PIN4: variants seen among roughly 807,000 people sequenced by gnomAD.
PIN4 encodes peptidylprolyl cis/trans isomerase, NIMA-interacting 4.
A neutral mutation model predicts 8.3 loss-of-function variants in PIN4; 3 were observed. That is an observed-to-expected ratio of 0.36 (90% CI 0.16 to 0.93). The LOEUF (loss-of-function observed/expected upper bound fraction) is 0.93, where lower values mean the gene tolerates loss of function less well. Among genes scored for constraint, PIN4 ranks in the 40% least tolerant of loss-of-function variants. The probability of loss-of-function intolerance (pLI) is 0.44; values close to 1 mark genes in which losing one functional copy is unlikely to be tolerated. For missense variants in PIN4, 75 were observed against 100.6 expected (o/e 0.75, Z 1.09); for synonymous variants, 18 against 32.5 (o/e 0.55, Z 1.52).
downstream of PIN4, among the ~76,000 whole-genome samples, chrX:72,200,561 AG>A (rs756919034): frequency 5.3e-5 from 6 of 112,374 alleles, no homozygotes; most frequent in Non-Finnish European, 1.1e-4. Context: ...AAAAGATACA[AG>A]GATATTCATT....
chrX:72,215,795 A>C (rs1417346480), intron 3 of PIN4, among the ~76,000 whole-genome samples: 1 of 110,983 alleles, frequency 9.0e-6, no homozygotes, highest in Non-Finnish European at 1.9e-5. Context: ...TGCTGTGCTT[A>C]AAACCACTGA....
intron 3 of PIN4, among the ~76,000 whole-genome samples, chrX:72,253,898 A>C (rs753649386): frequency 9.1e-6 from 1 of 110,243 alleles, no homozygotes; most frequent in South Asian, 3.9e-4. Flanking sequence ...GAAGGTTGAG[A>C]CTTCAATGAG....
exon 4 of PIN4, chrX:72,263,107 C>A (rs918808626): frequency 5.6e-6 from 1 of 178,054 alleles, no homozygotes; most frequent in Non-Finnish European, 1.0e-5. Flanking sequence ...CAAGATGAGC[C>A]TTATGCACCT....
At chrX:72,229,802 G>A (rs1476948881) in intron 3 of PIN4, among the ~76,000 whole-genome samples, 1 of 111,757 alleles carries the variant, frequency 8.9e-6, no homozygotes. Flanking sequence ...GACTTGGATT[G>A]AGAGCAAGCA....
At position 72,251,356 on chromosome X, in the gene PIN4, CTGTCTCAA is replaced by C. The variant is rs1208964680; in HGVS notation, c.313-11350_313-11343del. Reference sequence around the variant, plus strand: ...CCAGCCTGGGCGACACAGCGAGACTCTGTCTCAAAAAAAAAAAAATATGTGTGAGTGTA... The same window carrying C: ...CCAGCCTGGGCGACACAGCGAGACTCAAAAAAAAAAATATGTGTGAGTGTA... On this transcript the variant is annotated intron_variant, in intron 3 of 3. Transcript: ENST00000423432. 5.9e-4 allele frequency among the ~76,000 whole-genome samples: 8 copies of C among 13,534 alleles called. No homozygotes were observed. The African/African-American group carries it at 9.2e-3, about 16-fold the overall frequency. The allele number at this position is 13,534 out of a possible 115,157, so 11.8% of individuals were successfully genotyped here.
chrX:72,194,607 C>T (rs138514008), intron 2 of PIN4, among the ~76,000 whole-genome samples: 2,658 of 104,951 alleles, frequency 0.025, 113 homozygotes, highest in African/African-American at 0.086. Context: ...GAGGCTGAGG[C>T]AGGAGACTCA....
At chrX:72,249,747 C>T (rs1255662181) in intron 3 of PIN4, among the ~76,000 whole-genome samples, 2 of 111,798 alleles carry the variant, frequency 1.8e-5, no homozygotes, top group African/African-American at 6.5e-5. Flanking sequence ...GAAATCAGAA[C>T]AGTGTCTGCC....
At chrX:72,188,685 GT>G (rs1310692662) in intron 2 of PIN4, among the ~76,000 whole-genome samples, 2 of 111,307 alleles carry the variant, frequency 1.8e-5, no homozygotes, top group Non-Finnish European at 3.8e-5. Flanking sequence ...TAAAAACTTT[GT>G]TTTGTTGTTT....
At chrX:72,205,623 T>G (rs1015810021) in intron 3 of PIN4, 3 of 1,211,552 alleles carry the variant, frequency 2.5e-6, no homozygotes, top group Non-Finnish European at 3.4e-6. Context: ...GAAAGAGAGA[T>G]GTGTTGAATG....
chrX:72,215,347 C>G (rs147760509), intron 3 of PIN4, among the ~76,000 whole-genome samples: 3,965 of 111,363 alleles, frequency 0.036, 196 homozygotes, highest in African/African-American at 0.12. Context: ...CAAATGTACA[C>G]TTAAGATTTG....
At chrX:72,189,062 G>C (rs1170342703) in intron 2 of PIN4, among the ~76,000 whole-genome samples, 2 of 111,657 alleles carry the variant, frequency 1.8e-5, no homozygotes, top group Non-Finnish European at 1.9e-5. Context: ...CTACTTGGGA[G>C]GCTGAGGTAG....
At chrX:72,184,528 G>A (rs758152924) in intron 1 of PIN4, among the ~76,000 whole-genome samples, 34 of 111,037 alleles carry the variant, frequency 3.1e-4, no homozygotes, top group African/African-American at 9.8e-4. Context: ...GAGTGAGGGT[G>A]GAGAGGAAGC....
At position 72,194,155 on chromosome X, in the gene PIN4, T is replaced by C. The variant is rs148976621; in HGVS notation, c.118-2630T>C. Among the ~76,000 whole-genome samples, 115 of 111,364 alleles carry C rather than the reference T, an allele frequency of 1.0e-3. 3 individuals carry two copies. Among genetic ancestry groups the C allele is most frequent in the African/African-American group, 3.7e-3 (113 of 30,524 alleles). On this transcript the variant is annotated intron_variant, in intron 2 of 3. Coordinates refer to ENST00000373669, the MANE Select transcript of PIN4 (RefSeq NM_006223.4). ...TGGCTCATGCCTGTAATGCCAGCAC[T>C]TTGGGAGGTCAAGGCGGGTGGATCA...
chrX:72,217,894 T>C (rs1169663088), intron 3 of PIN4, among the ~76,000 whole-genome samples: 1 of 112,012 alleles, frequency 8.9e-6, no homozygotes, highest in Admixed American at 9.5e-5. Flanking sequence ...CACACTGTCT[T>C]GACTACTGTA....
At chrX:72,246,273 C>G (rs1006370554) in intron 3 of PIN4, among the ~76,000 whole-genome samples, 4 of 111,486 alleles carry the variant, frequency 3.6e-5, no homozygotes, top group African/African-American at 9.8e-5. Context: ...CGTGTTGGCT[C>G]TACCTCTAAA....
chrX:72,197,558 ATT>A lies in PIN4; in HGVS notation c.*35_*36del, dbSNP rs756508072. 3 of 1,169,694 alleles carry A rather than the reference ATT, an allele frequency of 2.6e-6. No individual in the cohort carries two copies. In the East Asian group the frequency reaches 9.0e-5, roughly 35 times the overall value. Reference sequence around the variant, plus strand: ...ATGAAAGACTGAATAAGTTTTATACATTTTGTTTCTTTAAAAGGTATTACATA... The same window carrying A: ...ATGAAAGACTGAATAAGTTTTATACATTGTTTCTTTAAAAGGTATTACATA... On this transcript the variant is annotated 3_prime_UTR_variant, in exon 4 of 4. Transcript: ENST00000373669.
At chrX:72,256,374 A>T (rs1257220929) in intron 3 of PIN4, among the ~76,000 whole-genome samples, 1 of 112,019 alleles carries the variant, frequency 8.9e-6, no homozygotes, top group African/African-American at 3.2e-5. Context: ...TGCAGTTGGC[A>T]AGCTGGAGAC....
At chrX:72,242,646 C>T (rs776813876) in intron 3 of PIN4, among the ~76,000 whole-genome samples, 1 of 112,654 alleles carries the variant, frequency 8.9e-6, no homozygotes, top group Non-Finnish European at 1.9e-5. Context: ...GATTAATTAT[C>T]TGCTGTTCCT....
rs2042724960 is a variant in PIN4 at position 72,190,207 on chromosome X, C to G, written c.117+3673C>G. The stretch of plus-strand genomic sequence containing the variant: ...GGCTTGATCATTGGATTGAGGAGGT[C>G]CAGTTTTTCTTTTGGCCACCTCCCT... On this transcript the variant is annotated intron_variant, in intron 2 of 3. Coordinates refer to ENST00000373669, the MANE Select transcript of PIN4 (RefSeq NM_006223.4). 3.6e-5 allele frequency among the ~76,000 whole-genome samples: 4 copies of G among 111,808 alleles called. No individual in the cohort carries two copies. The Admixed American group carries it at 3.8e-4, about 11-fold the overall frequency.
Sources: gnomAD v4.1 joint callset for allele counts (sites outside exome capture counted in the v4.1 genomes callset) on GRCh38, gnomAD v4.1.1 for gene constraint, MANE v1.5 for transcripts, NCBI Gene and HGNC (gene_info 2026-07-23, HGNC 2026-07-21) for gene names.